GSAP: variants seen among roughly 807,000 people sequenced by gnomAD.
GSAP encodes the protein gamma-secretase activating protein.
GSAP carries 118 observed loss-of-function variants against 131.7 expected under a neutral mutation model. The observed-to-expected ratio is 0.90, with a 90% CI of 0.77 to 1.04. The LOEUF is 1.04. Among genes scored for constraint, GSAP ranks in the 50% least tolerant of loss-of-function variants. GSAP has a pLI of 0.00. For missense variants in GSAP, 1,019 were observed against 1,013.2 expected (o/e 1.01, Z -0.08); for synonymous variants, 381 against 363.4 (o/e 1.05, Z -0.55).
intron 12 of GSAP, 144 bp downstream of exon 12, chr7:77,373,926 T>C (rs1354433387): frequency 1.6e-6 from 1 of 626,646 alleles, no homozygotes; most frequent in Non-Finnish European, 2.9e-6. Context: ...TTAATGAAGA[T>C]TTGATACATG....
chr7:77,331,117 C>T (rs919823870), intron 19 of GSAP, among the ~76,000 whole-genome samples: 14 of 151,836 alleles, frequency 9.2e-5, no homozygotes, highest in South Asian at 2.1e-4. Flanking sequence ...ATCGAGACCA[C>T]GGTGAAACCC....
intron 5 of GSAP, among the ~76,000 whole-genome samples, chr7:77,390,120 T>G (rs1438325804): frequency 1.3e-5 from 2 of 152,338 alleles, no homozygotes; most frequent in Middle Eastern, 3.4e-3. Context: ...TCGCCCACTT[T>G]TTGATGGGGT....
At chr7:77,331,906 A>AG (rs1177112474) in intron 19 of GSAP, 1 of 151,978 alleles carries the variant, frequency 6.6e-6, no homozygotes, top group Non-Finnish European at 1.5e-5. Flanking sequence ...AAAAAAAAAA[A>AG]AAAAAGACAA....
At chr7:77,362,163 GA>G (rs1794617162) in intron 13 of GSAP, among the ~76,000 whole-genome samples, 1 of 152,128 alleles carries the variant, frequency 6.6e-6, no homozygotes, top group African/African-American at 2.4e-5. Context: ...TACAGATATA[GA>G]ATGAACTGAT....
chr7:77,416,376 G>T, upstream of GSAP: 1 of 941,598 alleles, frequency 1.1e-6, no homozygotes, highest in Non-Finnish European at 1.5e-6. Context: ...GGCATTCCCG[G>T]CCCCGCGTGG....
At chr7:77,375,696 T>C (rs562944439) in intron 10 of GSAP, among the ~76,000 whole-genome samples, 1 of 152,020 alleles carries the variant, frequency 6.6e-6, no homozygotes, top group East Asian at 1.9e-4. Context: ...ATATAAAAAT[T>C]AGCTGGTCAT....
At chr7:77,400,657 G>T (rs898617639) in intron 3 of GSAP, among the ~76,000 whole-genome samples, 1 of 152,112 alleles carries the variant, frequency 6.6e-6, no homozygotes, top group Admixed American at 6.6e-5. Context: ...AAAACATCCA[G>T]AGTTTCATAA....
chr7:77,314,507 G>A lies in GSAP; in HGVS notation c.2090-18C>T. Reference sequence around the variant, plus strand: ...ATGAAAACCTAGGATGAGAGATCTGGAGGGTAAACACAGTCAGCCAACATC... The same window carrying A: ...ATGAAAACCTAGGATGAGAGATCTGAAGGGTAAACACAGTCAGCCAACATC... On this transcript the variant is annotated intron_variant, in intron 26 of 30. Coordinates refer to ENST00000257626, the MANE Select transcript of GSAP (RefSeq NM_017439.4). The A allele has an allele frequency of 6.2e-7, 1 of 1,613,226 alleles. No homozygotes were observed. The highest frequency in any genetic ancestry group is 8.5e-7 in the Non-Finnish European group (1 of 1,179,506).
intron 19 of GSAP, among the ~76,000 whole-genome samples, chr7:77,335,563 CA>C (rs879519557): frequency 6.6e-6 from 1 of 151,832 alleles, no homozygotes; most frequent in Non-Finnish European, 1.5e-5. Flanking sequence ...ATTCACTGAA[CA>C]AAAGAACCAG....
intron 8 of GSAP, among the ~76,000 whole-genome samples, chr7:77,377,738 A>G (rs1350881311): frequency 6.6e-6 from 1 of 152,222 alleles, no homozygotes; most frequent in Non-Finnish European, 1.5e-5. Flanking sequence ...AACTCTCTTA[A>G]GTCAAGCCTC....
At chr7:77,375,567 C>T (rs540103337) in intron 10 of GSAP, among the ~76,000 whole-genome samples, 4 of 152,196 alleles carry the variant, frequency 2.6e-5, no homozygotes, top group East Asian at 3.9e-4. Context: ...AAGAATAGGC[C>T]GGCATGGTGG....
intron 19 of GSAP, among the ~76,000 whole-genome samples, chr7:77,332,943 C>T (rs1416657963): frequency 5.9e-5 from 9 of 152,066 alleles, no homozygotes; most frequent in Admixed American, 5.9e-4. Flanking sequence ...CAGAGGCAGG[C>T]GGATCACAAG....
At chr7:77,394,862 C>CA (rs1800107550) in intron 5 of GSAP, among the ~76,000 whole-genome samples, 1 of 152,188 alleles carries the variant, frequency 6.6e-6, no homozygotes, top group African/African-American at 2.4e-5. Flanking sequence ...TGGCAGAAAG[C>CA]AAGACACAGG....
chr7:77,331,666 T>TA (rs1789175327), intron 19 of GSAP: 1 of 152,090 alleles, frequency 6.6e-6, no homozygotes, highest in African/African-American at 2.4e-5. Flanking sequence ...GTAAGTAACA[T>TA]AATATTAAAA....
At chr7:77,354,734 A>C (rs1793400555) in intron 16 of GSAP, among the ~76,000 whole-genome samples, 1 of 151,612 alleles carries the variant, frequency 6.6e-6, no homozygotes, top group Non-Finnish European at 1.5e-5. Flanking sequence ...ACATCTGATA[A>C]AGAGATTTTT....
chr7:77,366,187 G>A (rs776924007), intron 12 of GSAP, among the ~76,000 whole-genome samples: 3 of 151,930 alleles, frequency 2.0e-5, no homozygotes, highest in Admixed American at 2.0e-4. Context: ...TCTGTAGGTC[G>A]TTTGGTTTAC....
chr7:77,314,266 G>T, intron 27 of GSAP, 104 bp downstream of exon 27: 1 of 1,204,660 alleles, frequency 8.3e-7, no homozygotes, highest in Non-Finnish European at 1.2e-6. Context: ...ACTCTTCTGA[G>T]TGCAGCCAGG....
At chr7:77,381,948 G>A (rs1797869918) in intron 7 of GSAP, among the ~76,000 whole-genome samples, 1 of 150,606 alleles carries the variant, frequency 6.6e-6, no homozygotes, top group South Asian at 2.1e-4. Flanking sequence ...CTTAGAGACT[G>A]AACAAAGCCT....
At chr7:77,380,253 CT>C (rs1477884884) in intron 8 of GSAP, among the ~76,000 whole-genome samples, 1 of 152,072 alleles carries the variant, frequency 6.6e-6, no homozygotes, top group Non-Finnish European at 1.5e-5. Context: ...GTAAACATAC[CT>C]TTTCGTGATA....
Sources: allele counts gnomAD v4.1 joint callset (sites outside exome capture counted in the v4.1 genomes callset), GRCh38; gene constraint gnomAD v4.1.1; transcripts MANE v1.5; gene names NCBI Gene and HGNC (gene_info 2026-07-23, HGNC 2026-07-21).